The following FYTTD1 variants were observed in gnomAD, a reference collection of about 807,000 sequenced individuals.
FYTTD1 encodes UAP56-interacting factor.
FYTTD1 carries 22 observed loss-of-function variants against 40.9 expected under a neutral mutation model. The ratio of observed to expected loss-of-function variants is 0.54; its 90% CI spans 0.38 to 0.77. The LOEUF (loss-of-function observed/expected upper bound fraction) is 0.77, where lower values mean the gene tolerates loss of function less well. FYTTD1 is among the 30% of genes least tolerant of loss of function. The pLI is 0.00. For missense variants in FYTTD1, 351 were observed against 392.2 expected, an observed-to-expected ratio of 0.90 and a Z score of 0.89; for synonymous variants, 140 against 137.9, an observed-to-expected ratio of 1.01 and a Z score of -0.10.
intron 1 of FYTTD1, among the ~76,000 whole-genome samples, chr3:197,752,326 C>G (rs773206589): frequency 6.6e-6 from 1 of 152,180 alleles, no homozygotes; most frequent in Non-Finnish European, 1.5e-5. Context: ...CCCAGTGCCT[C>G]ATCTGTAGAA....
intron 7 of FYTTD1, 149 bp from the exon 8 acceptor site, chr3:197,778,187 CTA>C (rs1729928493): frequency 2.0e-6 from 1 of 511,152 alleles, no homozygotes; most frequent in African/African-American, 2.0e-5. Context: ...ATATTTTAGT[CTA>C]GAGTAGCCAG....
intron 8 of FYTTD1, among the ~76,000 whole-genome samples, chr3:197,780,443 G>C (rs1393323971): frequency 6.6e-6 from 1 of 152,166 alleles, no homozygotes; most frequent in Non-Finnish European, 1.5e-5. Context: ...CCAGTCCAAT[G>C]TTGAGTAGAA....
In FYTTD1 at chr3:197,781,937, A is replaced by T. The variant is rs1261768852; in HGVS notation, c.*28A>T. 2 of 1,426,712 alleles carry T rather than the reference A, an allele frequency of 1.4e-6. No homozygotes were observed. Among genetic ancestry groups the T allele is most frequent in the Admixed American group, 1.9e-5 (1 of 53,212 alleles). The allele number at this position is 1,426,712 out of a possible 1,614,324, so 88.4% of individuals were successfully genotyped here. A position where few individuals can be genotyped will look rare whatever the true frequency, so the allele number is the denominator to read the frequency against. On this transcript the variant is annotated 3_prime_UTR_variant, in exon 9 of 9. Transcript: ENST00000241502. ...CCCATGTCAAAGGAACTTTTGAGTG[A>T]TGACTCTGAGAAGTTGAATTGCTTG...
rs544862530 is a variant in FYTTD1 at position 197,766,200 on chromosome 3, C to G, written c.236-2239C>G. On this transcript the variant is annotated intron_variant, in intron 2 of 8. Coordinates refer to ENST00000241502, the MANE Select transcript of FYTTD1 (RefSeq NM_032288.7). The stretch of plus-strand genomic sequence containing the variant: ...AAAAAGAGTTTGCTTTACTGTTTAA[C>G]CTAGCATTTCACCTTCTAGAAACTC... Among the ~76,000 whole-genome samples, 5 of 149,270 alleles carry G rather than the reference C, an allele frequency of 3.3e-5. No homozygotes were observed. The East Asian group carries it at 9.8e-4, about 29-fold the overall frequency.
rs1020875197 is a variant in FYTTD1 at position 197,787,496 on chromosome 3, T to G, written c.*5587T>G. The G allele has an allele frequency of 2.0e-5, 3 of 152,218 alleles. No individual in the cohort carries two copies. Among genetic ancestry groups the G allele is most frequent in the Non-Finnish European group, 4.4e-5 (3 of 68,054 alleles). 9.4% of individuals were successfully genotyped at this position (152,218 alleles called of 1,614,324 possible). On this transcript the variant is annotated 3_prime_UTR_variant, in exon 9 of 9. Transcript: ENST00000241502. The stretch of plus-strand genomic sequence containing the variant: ...ATAACCTTTGCATGATATAGTGAAA[T>G]GCAGAGCTGGAAAGAACTATTAAGA...
chr3:197,760,479 G>C (rs935170460), intron 2 of FYTTD1, among the ~76,000 whole-genome samples: 1 of 150,414 alleles, frequency 6.6e-6, no homozygotes, highest in Non-Finnish European at 1.5e-5. Context: ...AGAATGTATA[G>C]AGTTCTTCAG....
At chr3:197,760,048 T>C (rs1364048301) in intron 2 of FYTTD1, among the ~76,000 whole-genome samples, 3 of 152,034 alleles carry the variant, frequency 2.0e-5, no homozygotes. Flanking sequence ...TCTTCCGTGG[T>C]AGAACGTATA....
chr3:197,775,281 T>G (rs1236923972), intron 6 of FYTTD1, among the ~76,000 whole-genome samples: 1 of 152,224 alleles, frequency 6.6e-6, no homozygotes, highest in African/African-American at 2.4e-5. Flanking sequence ...ACCTCCTAAG[T>G]GTGAGTTGTA....
chr3:197,768,350 T>C (rs1307198500), intron 2 of FYTTD1, 89 bp from the exon 3 acceptor site: 2 of 890,810 alleles, frequency 2.2e-6, no homozygotes, highest in African/African-American at 1.7e-5. Flanking sequence ...TGTTCATAAG[T>C]TCCCCCTTCC....
At position 197,783,234 on chromosome 3, in the gene FYTTD1, G is replaced by A. The variant is rs536499265; in HGVS notation, c.*1325G>A. The A allele has an allele frequency of 2.6e-5, 4 of 152,680 alleles. No homozygotes were observed. Among genetic ancestry groups the A allele is most frequent in the East Asian group, 1.9e-4 (1 of 5,184 alleles). The allele number at this position is 152,680 out of a possible 1,614,324, so 9.5% of individuals were successfully genotyped here. ...ATGCAGCAAAATCTTCCAGCTGTAC[G>A]TTACAAGTTTGGTCATTTTGAAGCT... On this transcript the variant is annotated 3_prime_UTR_variant, in exon 9 of 9. Transcript: ENST00000241502.
At chr3:197,773,523 TTTTGTTTG>T (rs3830497) in intron 5 of FYTTD1, 24 bp downstream of exon 5, 2 of 1,012,670 alleles carry the variant, frequency 2.0e-6, no homozygotes, top group South Asian at 1.5e-5. Flanking sequence ...TTGGCAGTGT[TTTTGTTTG>T]TTTGTTTGTT....
rs13434218 is a variant in FYTTD1 at position 197,758,154 on chromosome 3, C to T, written c.235+1597C>T. Reference sequence around the variant, plus strand: ...CCAGCCTCAGGTGATCCACCTGCCTCGGCCTCCTGCCTCAGCCCCACAAAG... The same window carrying T: ...CCAGCCTCAGGTGATCCACCTGCCTTGGCCTCCTGCCTCAGCCCCACAAAG... On this transcript the variant is annotated intron_variant, in intron 2 of 8. Transcript: ENST00000241502. Among the ~76,000 whole-genome samples, 598 of 151,570 alleles carry T rather than the reference C, an allele frequency of 3.9e-3. 4 individuals carry two copies. The highest frequency in any genetic ancestry group is 0.013 in the African/African-American group (554 of 41,344).
chr3:197,752,036 C>T (rs1213169510), intron 1 of FYTTD1, among the ~76,000 whole-genome samples: 2 of 151,970 alleles, frequency 1.3e-5, no homozygotes, highest in Non-Finnish European at 2.9e-5. Flanking sequence ...CGCTGGTGGC[C>T]GGCTAATTTT....
chr3:197,785,996 A>T lies in FYTTD1; in HGVS notation c.*4087A>T, dbSNP rs1730144729. On this transcript the variant is annotated 3_prime_UTR_variant, in exon 9 of 9. Transcript: ENST00000241502. Reference sequence around the variant, plus strand: ...ACAGCATTTACAACAAGAATTGTGGACTATGGTGGACCATTAATAGGGATT... The same window carrying T: ...ACAGCATTTACAACAAGAATTGTGGTCTATGGTGGACCATTAATAGGGATT... 2 of 151,266 alleles carry T rather than the reference A, an allele frequency of 1.3e-5. No individual in the cohort carries two copies. The highest frequency in any genetic ancestry group is 4.9e-5 in the African/African-American group (2 of 41,162). The allele number at this position is 151,266 out of a possible 1,614,324, so 9.4% of individuals were successfully genotyped here.
intron 2 of FYTTD1, among the ~76,000 whole-genome samples, chr3:197,762,155 T>C (rs978742807): frequency 6.6e-6 from 1 of 152,188 alleles, no homozygotes; most frequent in Admixed American, 6.5e-5. Context: ...TATTTCAACA[T>C]GTGAATTTTG....
chr3:197,766,285 A>G (rs1233129926), intron 2 of FYTTD1, among the ~76,000 whole-genome samples: 1 of 152,116 alleles, frequency 6.6e-6, no homozygotes. Context: ...CTATTGTGAT[A>G]TTATTTATAA....
chr3:197,775,538 A>G (rs1322195987), intron 6 of FYTTD1, among the ~76,000 whole-genome samples: 1 of 151,952 alleles, frequency 6.6e-6, no homozygotes, highest in Non-Finnish European at 1.5e-5. Flanking sequence ...AAATCCTCAG[A>G]TACTCAAGTC....
rs1474264857 is a variant in FYTTD1 at position 197,784,838 on chromosome 3, T to C, written c.*2929T>C. 6.6e-6 allele frequency: 1 copy of C among 152,166 alleles called. No individual in the cohort carries two copies. The highest frequency in any genetic ancestry group is 1.5e-5 in the Non-Finnish European group (1 of 68,016). The allele number at this position is 152,166 out of a possible 1,614,324, so 9.4% of individuals were successfully genotyped here. The stretch of plus-strand genomic sequence containing the variant: ...CAGTATACTTTGCAATGCAGAATAT[T>C]GGGTTAGATGAGCCTTTAGAGACTA... On this transcript the variant is annotated 3_prime_UTR_variant, in exon 9 of 9. Transcript: ENST00000241502.
At chr3:197,763,284 C>T (rs1045127020) in intron 2 of FYTTD1, among the ~76,000 whole-genome samples, 1 of 151,796 alleles carries the variant, frequency 6.6e-6, no homozygotes, top group Non-Finnish European at 1.5e-5. Flanking sequence ...TGTGGTGGCA[C>T]ATAGCTGTAA....
Sources: allele counts gnomAD v4.1 joint callset (sites outside exome capture counted in the v4.1 genomes callset), GRCh38; gene constraint gnomAD v4.1.1; transcripts MANE v1.5; gene names NCBI Gene and HGNC (gene_info 2026-07-23, HGNC 2026-07-21).